The following MOB3B variants were observed in gnomAD, a reference collection of about 807,000 sequenced individuals.
The protein encoded by MOB3B is MOB kinase activator-like 2B.
In MOB3B, 7 loss-of-function variants were observed where a neutral mutation model predicts 18.7. The ratio of observed to expected loss-of-function variants is 0.37; its 90% CI spans 0.21 to 0.70. The LOEUF (loss-of-function observed/expected upper bound fraction) is 0.70, where lower values mean the gene tolerates loss of function less well. Among genes scored for constraint, MOB3B ranks in the 30% least tolerant of loss-of-function variants. MOB3B has a pLI of 0.52. For synonymous variants in MOB3B, 111 were observed against 99.9 expected, an observed-to-expected ratio of 1.11 and a Z score of -0.66; for missense variants, 253 against 281.3, an observed-to-expected ratio of 0.90 and a Z score of 0.72.
At chr9:27,490,046 T>A (rs1255224566) in intron 1 of MOB3B, among the ~76,000 whole-genome samples, 2 of 152,144 alleles carry the variant, frequency 1.3e-5, no homozygotes, top group East Asian at 3.9e-4. Flanking sequence ...TGCAGCCAAA[T>A]TTCAATCCAT....
intron 1 of MOB3B, among the ~76,000 whole-genome samples, chr9:27,469,496 C>T (rs1233000896): frequency 6.6e-6 from 1 of 152,182 alleles, no homozygotes; most frequent in African/African-American, 2.4e-5. Flanking sequence ...TCCTGCTACC[C>T]ATTCCGTGTG....
chr9:27,367,509 G>T (rs1328650858), intron 2 of MOB3B, among the ~76,000 whole-genome samples: 1 of 152,206 alleles, frequency 6.6e-6, no homozygotes, highest in East Asian at 1.9e-4. Flanking sequence ...TGGGACTTCT[G>T]TGCTGCTTGC....
chr9:27,384,611 G>T (rs909956200), intron 2 of MOB3B, among the ~76,000 whole-genome samples: 9 of 152,200 alleles, frequency 5.9e-5, no homozygotes, highest in African/African-American at 2.2e-4. Flanking sequence ...AATTCCAGCA[G>T]AACTCATTCT....
intron 2 of MOB3B, among the ~76,000 whole-genome samples, chr9:27,360,907 T>A (rs1278777453): frequency 6.6e-6 from 1 of 151,906 alleles, no homozygotes; most frequent in South Asian, 2.1e-4. Context: ...GGGTTGAGGG[T>A]GCGGTAGAGC....
At chr9:27,334,181 G>A (rs1368755796) in intron 3 of MOB3B, among the ~76,000 whole-genome samples, 3 of 152,114 alleles carry the variant, frequency 2.0e-5, no homozygotes, top group East Asian at 3.8e-4. Flanking sequence ...AGGATGTATG[G>A]TTTGATCCAG....
chr9:27,351,421 G>A (rs1468054656), intron 3 of MOB3B, among the ~76,000 whole-genome samples: 1 of 152,210 alleles, frequency 6.6e-6, no homozygotes, highest in Non-Finnish European at 1.5e-5. Context: ...GCCATTACAT[G>A]CCTTGCCCCA....
chr9:27,334,538 T>C (rs963995746), intron 3 of MOB3B, among the ~76,000 whole-genome samples: 7 of 152,228 alleles, frequency 4.6e-5, no homozygotes, highest in African/African-American at 1.7e-4. Flanking sequence ...CTAAACACTT[T>C]TTAAATTTAA....
intron 2 of MOB3B, among the ~76,000 whole-genome samples, chr9:27,360,449 G>A (rs1187889427): frequency 1.3e-5 from 2 of 152,196 alleles, no homozygotes; most frequent in Non-Finnish European, 2.9e-5. Flanking sequence ...AGGTTGCAGT[G>A]AGCCAAGATT....
At chr9:27,449,102 A>G (rs893552355) in intron 2 of MOB3B, among the ~76,000 whole-genome samples, 2 of 152,208 alleles carry the variant, frequency 1.3e-5, no homozygotes, top group Admixed American at 6.5e-5. Context: ...ATGTCTCTCT[A>G]GAGTTAGATG....
At chr9:27,500,100 G>T (rs1321828912) in intron 1 of MOB3B, among the ~76,000 whole-genome samples, 1 of 151,848 alleles carries the variant, frequency 6.6e-6, no homozygotes, top group Non-Finnish European at 1.5e-5. Flanking sequence ...ATAAATAATG[G>T]TTAAAAATCA....
intron 1 of MOB3B, chr9:27,524,781 C>T (rs1190549477): frequency 6.2e-7 from 1 of 1,613,858 alleles, no homozygotes; most frequent in Non-Finnish European, 8.5e-7. Flanking sequence ...TGAGATGAAA[C>T]CCTCAGAAGC....
At chr9:27,525,592 T>C (rs1820424542) in intron 1 of MOB3B, among the ~76,000 whole-genome samples, 1 of 152,220 alleles carries the variant, frequency 6.6e-6, no homozygotes, top group African/African-American at 2.4e-5. Flanking sequence ...AGACGACCAT[T>C]AAGCTTTCAT....
intron 3 of MOB3B, among the ~76,000 whole-genome samples, chr9:27,353,111 G>T (rs1379046286): frequency 1.3e-5 from 2 of 152,178 alleles, no homozygotes; most frequent in African/African-American, 2.4e-5. Flanking sequence ...AAGAGATGAA[G>T]TGCTAAAAAT....
At chr9:27,425,136 G>A (rs935206681) in intron 2 of MOB3B, among the ~76,000 whole-genome samples, 1 of 152,112 alleles carries the variant, frequency 6.6e-6, no homozygotes, top group Non-Finnish European at 1.5e-5. Context: ...AGCACTTTGG[G>A]AGGCCGAGGC....
intron 2 of MOB3B, among the ~76,000 whole-genome samples, chr9:27,404,279 T>C (rs1028782507): frequency 2.6e-5 from 4 of 151,962 alleles, no homozygotes; most frequent in African/African-American, 9.7e-5. Context: ...TTCTTTTATA[T>C]GGCTGAATAA....
chr9:27,425,904 G>C (rs1332469216), intron 2 of MOB3B, among the ~76,000 whole-genome samples: 1 of 152,184 alleles, frequency 6.6e-6, no homozygotes, highest in Non-Finnish European at 1.5e-5. Context: ...GACTGGAAAA[G>C]TCATAGGTAA....
chr9:27,360,980 G>T (rs1251749381), intron 2 of MOB3B, among the ~76,000 whole-genome samples: 1 of 152,072 alleles, frequency 6.6e-6, no homozygotes, highest in Non-Finnish European at 1.5e-5. Context: ...GTGGAGAGGG[G>T]CCTGCAGAAC....
rs575990447 is a variant in MOB3B, at chr9:27,342,483, C to T, written c.622-11867G>A. Among the ~76,000 whole-genome samples the T allele has an allele frequency of 4.6e-5, 7 of 152,088 alleles. No homozygotes were observed. In the South Asian group the frequency reaches 8.3e-4, roughly 18 times the overall value. The stretch of plus-strand genomic sequence containing the variant: ...TTCCCTCGTCTCCCTCTCCCTCTCC[C>T]CGGTCTCCCTCTGATGCCACCAAAG... On this transcript the variant is annotated intron_variant, in intron 3 of 3. Transcript: ENST00000262244.
chr9:27,334,386 TAGAC>T (rs1274443715), intron 3 of MOB3B, among the ~76,000 whole-genome samples: 1 of 152,222 alleles, frequency 6.6e-6, no homozygotes, highest in Non-Finnish European at 1.5e-5. Context: ...AAAAGGAAAG[TAGAC>T]AGAGACTCCA....
Sources: allele counts gnomAD v4.1 joint callset (sites outside exome capture counted in the v4.1 genomes callset), GRCh38; gene constraint gnomAD v4.1.1; transcripts MANE v1.5; gene names NCBI Gene and HGNC (gene_info 2026-07-23, HGNC 2026-07-21).